ZNF225: variants seen among roughly 807,000 people sequenced by gnomAD.
The protein encoded by ZNF225 is zinc finger protein 225.
In ZNF225, 6 loss-of-function variants were observed where a neutral mutation model predicts 12.0. That is an observed-to-expected ratio of 0.50 (90% CI 0.27 to 0.98). The LOEUF (loss-of-function observed/expected upper bound fraction) is 0.98. Ranked by LOEUF, ZNF225 falls within the 50% of genes least tolerant of loss-of-function variation. The pLI is 0.11. For synonymous variants in ZNF225, 271 were observed against 283.2 expected, an observed-to-expected ratio of 0.96 and a Z score of 0.43; for missense variants, 763 against 848.2, an observed-to-expected ratio of 0.90 and a Z score of 1.25.
upstream of ZNF225, chr19:44,112,929 G>C (rs1967859310): frequency 6.6e-6 from 1 of 152,144 alleles, no homozygotes; most frequent in Non-Finnish European, 1.5e-5. Context: ...AGAAATTCCT[G>C]TCTATTCAGT....
chr19:44,132,058 A>C lies in ZNF225; in HGVS notation c.1444A>C (p.Lys482Gln). ...TCATCAGAGAATCCACAGTGGAGAA[A>C]AACCATTTAAATGTGAAGAATGTGG... ...LNHQRIHSGE[K>Q]PFKCEECGKR... The change falls in exon 5 of 5, where the codon AAA (lysine) becomes CAA (glutamine). Residue 482 changes from lysine (K) to glutamine (Q), a missense_variant. Coordinates refer to ENST00000262894, the MANE Select transcript of ZNF225 (RefSeq NM_013362.4). 1 of 1,614,026 alleles carries C rather than the reference A, an allele frequency of 6.2e-7. No homozygotes were observed. Among genetic ancestry groups the C allele is most frequent in the African/African-American group, 1.3e-5 (1 of 74,978 alleles).
intron 4 of ZNF225, among the ~76,000 whole-genome samples, chr19:44,124,300 A>T (rs1332041087): frequency 3.9e-5 from 6 of 152,152 alleles, no homozygotes; most frequent in African/African-American, 1.4e-4. Context: ...AGATTATTTA[A>T]TTTCCATGTA....
intron 1 of ZNF225, chr19:44,114,114 A>C: frequency 1.6e-6 from 1 of 608,682 alleles, no homozygotes; most frequent in East Asian, 3.1e-5. Context: ...GGGCACGGCG[A>C]CCACGGTCAG....
rs953252916 is a variant in ZNF225, at chr19:44,134,072, T to C, written c.*1337T>C. ...TTTGCTAAGAGGACTCAGAATATAG[T>C]TGTACTCATGACTATATTATAGTGA... On this transcript the variant is annotated 3_prime_UTR_variant, in exon 5 of 5. Transcript: ENST00000262894. 4.4e-4 allele frequency: 67 copies of C among 152,056 alleles called. 2 individuals are homozygous for C. The highest frequency in any genetic ancestry group is 2.1e-4 in the South Asian group (1 of 4,824). The allele number at this position is 152,056 out of a possible 1,614,324, so 9.4% of individuals were successfully genotyped here. A position where few individuals can be genotyped will look rare whatever the true frequency, so the allele number is the denominator to read the frequency against.
upstream of ZNF225, chr19:44,112,196 C>G (rs542950916): frequency 6.6e-6 from 1 of 152,104 alleles, no homozygotes; most frequent in Non-Finnish European, 1.5e-5. Flanking sequence ...AATAGGCTTC[C>G]CAGTTGATTG....
intron 4 of ZNF225, among the ~76,000 whole-genome samples, chr19:44,119,848 A>G: frequency 6.6e-6 from 1 of 151,972 alleles, no homozygotes; most frequent in South Asian, 2.1e-4. Flanking sequence ...TCACCTCAAA[A>G]CTTTCTGGCT....
intron 4 of ZNF225, among the ~76,000 whole-genome samples, chr19:44,122,294 A>T (rs1022496874): frequency 6.6e-6 from 1 of 152,172 alleles, no homozygotes; most frequent in Admixed American, 6.5e-5. Flanking sequence ...TTTGTCGAAG[A>T]TCAATTGGCT....
chr19:44,112,510 T>C (rs998966301), upstream of ZNF225, among the ~76,000 whole-genome samples: 4 of 152,244 alleles, frequency 2.6e-5, no homozygotes, highest in Admixed American at 2.6e-4. Flanking sequence ...AATAATTTTG[T>C]TTTGTGAATT....
intron 4 of ZNF225, among the ~76,000 whole-genome samples, chr19:44,128,145 G>A (rs920695373): frequency 5.6e-5 from 8 of 141,820 alleles, no homozygotes; most frequent in Non-Finnish European, 1.0e-4. Flanking sequence ...ACCAACCCCC[G>A]GTTTCTCTTT....
Position 44,126,006 on chromosome 19 carries a change from T to G in ZNF225, c.236-4844T>G, listed in dbSNP as rs759946216. ...TTTCTCTGGTGCCTCCCTGATTAGCTTAATAACTAACCTCCTGAATTCCTT... is the reference window on the plus strand; with the variant it reads ...TTTCTCTGGTGCCTCCCTGATTAGCGTAATAACTAACCTCCTGAATTCCTT... On this transcript the variant is annotated intron_variant, in intron 4 of 4. Coordinates refer to ENST00000262894, the MANE Select transcript of ZNF225 (RefSeq NM_013362.4). Among the ~76,000 whole-genome samples, 194 of 152,306 alleles carry G rather than the reference T, an allele frequency of 1.3e-3. 2 individuals carry two copies. The highest frequency in any genetic ancestry group is 3.4e-3 in the Middle Eastern group (1 of 294).
intron 4 of ZNF225, among the ~76,000 whole-genome samples, chr19:44,126,400 G>T (rs1375324299): frequency 6.6e-6 from 1 of 152,166 alleles, no homozygotes; most frequent in Non-Finnish European, 1.5e-5. Flanking sequence ...ACTGTCTGTG[G>T]GTCTCTCAAC....
intron 1 of ZNF225, chr19:44,114,274 G>A: frequency 1.4e-6 from 1 of 718,480 alleles, no homozygotes; most frequent in Non-Finnish European, 2.4e-6. Flanking sequence ...GAGTGTATAG[G>A]ATGTGTCTTC....
rs536747026 is a variant in ZNF225, at chr19:44,129,296, C to G, written c.236-1554C>G. On this transcript the variant is annotated intron_variant, in intron 4 of 4. Transcript: ENST00000262894. Reference sequence around the variant, plus strand: ...GACTGCTGTCACTGCATACCAATGACAAATTCAGTGGTTTCCCCAAATTAT... The same window carrying G: ...GACTGCTGTCACTGCATACCAATGAGAAATTCAGTGGTTTCCCCAAATTAT... 5.1e-5 allele frequency: 20 copies of G among 392,056 alleles called. 1 individual carries two copies. In the South Asian group the frequency reaches 2.8e-3, roughly 55 times the overall value. The allele number at this position is 392,056 out of a possible 1,614,324, so 24.3% of individuals were successfully genotyped here.
Position 44,132,725 on chromosome 19 carries a change from A to G in ZNF225, c.2111A>G (p.Asn704Ser). The G allele has an allele frequency of 6.3e-7, 1 of 1,592,346 alleles. No homozygotes were observed. The highest frequency in any genetic ancestry group is 8.5e-7 in the Non-Finnish European group (1 of 1,169,938). Residue 704 changes from asparagine to serine, a missense_variant, in exon 5 of 5, where the codon AAT (asparagine) becomes AGT (serine). Asn to Ser is a conservative substitution (Grantham distance 46). Coordinates refer to ENST00000262894, the MANE Select transcript of ZNF225 (RefSeq NM_013362.4). ...NLDTLLSLFL[N>S]DT ...GATACGCTTTTGTCATTATTTTTAA[A>G]TGACACATAACTGTTGTACTCATTT... is the stretch of plus-strand genomic sequence containing the variant.
Position 44,131,381 on chromosome 19 carries a change from G to C in ZNF225, c.767G>C (p.Gly256Ala). ...TATGTTCATCGTAAATTACACACAGGAGTGAAACCTCATATTTGTGAGAAA... is the reference window on the plus strand; with the variant it reads ...TATGTTCATCGTAAATTACACACAGCAGTGAAACCTCATATTTGTGAGAAA... ...GLYVHRKLHT[G>A]VKPHICEKCG... The change falls in exon 5 of 5, where the codon GGA becomes GCA. Residue 256 changes from glycine to alanine, a missense_variant. Transcript: ENST00000262894. 1 of 1,614,168 alleles carries C rather than the reference G, an allele frequency of 6.2e-7. No homozygotes were observed. The highest frequency in any genetic ancestry group is 8.5e-7 in the Non-Finnish European group (1 of 1,180,034).
intron 4 of ZNF225, among the ~76,000 whole-genome samples, chr19:44,119,144 T>C (rs1968006094): frequency 6.6e-6 from 1 of 152,144 alleles, no homozygotes; most frequent in East Asian, 1.9e-4. Flanking sequence ...AAGTTACAAG[T>C]GTTTTAAGTG....
intron 4 of ZNF225, among the ~76,000 whole-genome samples, chr19:44,119,175 CT>C (rs1441256965): frequency 1.3e-5 from 2 of 152,102 alleles, no homozygotes; most frequent in African/African-American, 2.4e-5. Context: ...ACCATGTGAT[CT>C]GCTTTTCATC....
intron 1 of ZNF225, among the ~76,000 whole-genome samples, chr19:44,115,284 A>G (rs747067722): frequency 6.6e-6 from 1 of 152,206 alleles, no homozygotes; most frequent in Non-Finnish European, 1.5e-5. Flanking sequence ...AGTGGAATAA[A>G]CATCACCATA....
At chr19:44,130,822 C>A in intron 4 of ZNF225, 28 bp from the exon 5 acceptor site, 1 of 1,568,472 alleles carries the variant, frequency 6.4e-7, no homozygotes, top group South Asian at 1.2e-5. Context: ...TTTACTTGCC[C>A]ACATCTCTTA....
Sources: allele counts gnomAD v4.1 joint callset (sites outside exome capture counted in the v4.1 genomes callset), GRCh38; gene constraint gnomAD v4.1.1; transcripts MANE v1.5; gene names NCBI Gene and HGNC (gene_info 2026-07-23, HGNC 2026-07-21).